The following CRTAC1 variants were observed in gnomAD, a reference collection of about 807,000 sequenced individuals.
CRTAC1 encodes the protein acidic secreted protein in cartilage.
Under a neutral mutation model 67.8 loss-of-function variants are expected in CRTAC1, and 37 were observed. The ratio of observed to expected loss-of-function variants is 0.55; its 90% CI spans 0.42 to 0.72. The LOEUF (loss-of-function observed/expected upper bound fraction) is 0.72, where lower values mean the gene tolerates loss of function less well. CRTAC1 is among the 30% of genes least tolerant of loss of function. CRTAC1 has a pLI of 0.00. For missense variants in CRTAC1, 780 were observed against 931.6 expected (o/e 0.84, Z 2.12); for synonymous variants, 348 against 371.0 (o/e 0.94, Z 0.71).
chr10:97,896,833 T>TGCC, intron 9 of CRTAC1, 76 bp downstream of exon 9: 6 of 450,860 alleles, frequency 1.3e-5, no homozygotes, highest in Non-Finnish European at 1.3e-5. Context: ...GGCTGCCCCG[T>TGCC]CCCTCCCGCC....
chr10:97,899,172 C>G (rs1388009885), intron 8 of CRTAC1, among the ~76,000 whole-genome samples: 1 of 148,680 alleles, frequency 6.7e-6, no homozygotes, highest in Non-Finnish European at 1.5e-5. Flanking sequence ...AGTGCCAGTC[C>G]CAGATGCAGC....
intron 1 of CRTAC1, among the ~76,000 whole-genome samples, chr10:98,024,088 A>C (rs1219229836): frequency 1.3e-5 from 2 of 152,234 alleles, no homozygotes; most frequent in African/African-American, 2.4e-5. Flanking sequence ...CAAAGCAGGA[A>C]TCTCCACCGA....
rs769104628 is a variant in CRTAC1, at chr10:97,917,492, C to T, written c.715+8G>A. 1.3e-6 allele frequency: 2 copies of T among 1,545,816 alleles called. No individual in the cohort carries two copies. The highest frequency in any genetic ancestry group is 2.5e-5 in the South Asian group (2 of 78,462). ...CCAGCATACTACCTCCCATGTCACT[C>T]TGCATACCTGTATATTTGCTGACCC... On this transcript the variant is annotated splice_region_variant and intron_variant, in intron 5 of 14. Transcript: ENST00000370597.
At chr10:97,931,098 TCA>T (rs1199855444) in intron 3 of CRTAC1, among the ~76,000 whole-genome samples, 5 of 152,242 alleles carry the variant, frequency 3.3e-5, no homozygotes, top group African/African-American at 1.2e-4. Flanking sequence ...AAAAATATTC[TCA>T]GTCTCCTTCA....
chr10:97,977,874 T>A (rs2051832936), intron 2 of CRTAC1, among the ~76,000 whole-genome samples: 1 of 152,210 alleles, frequency 6.6e-6, no homozygotes, highest in African/African-American at 2.4e-5. Flanking sequence ...GAGCTGAGGC[T>A]GTGCCTAAGA....
chr10:97,947,901 T>C (rs1455241208), intron 2 of CRTAC1, among the ~76,000 whole-genome samples: 1 of 151,942 alleles, frequency 6.6e-6, no homozygotes, highest in Non-Finnish European at 1.5e-5. Context: ...AATAAATAAA[T>C]AAAATAATAA....
chr10:97,996,261 C>G (rs1184695712), intron 2 of CRTAC1, among the ~76,000 whole-genome samples: 3 of 151,558 alleles, frequency 2.0e-5, no homozygotes, highest in Admixed American at 1.3e-4. Context: ...AGAGCTTCTG[C>G]ACAGCAAAAG....
Position 98,029,850 on chromosome 10 carries a change from C to A in CRTAC1, c.24+599G>T, listed in dbSNP as rs1012305319. On this transcript the variant is annotated intron_variant, in intron 1 of 14. Coordinates refer to ENST00000370597, the MANE Select transcript of CRTAC1 (RefSeq NM_018058.7). This position sits in a 1 kb window ranked among gnomAD's most constrained non-coding sequence, Gnocchi z 4.7. ...TGCCTCAGGCAGCCTGAAGGGAAGACCACACCTCGTCCAGCATAAGGCGGC... is the reference window on the plus strand; with the variant it reads ...TGCCTCAGGCAGCCTGAAGGGAAGAACACACCTCGTCCAGCATAAGGCGGC... Among the ~76,000 whole-genome samples the A allele has an allele frequency of 2.0e-5, 3 of 152,188 alleles. No homozygotes were observed. The highest frequency in any genetic ancestry group is 1.9e-4 in the East Asian group (1 of 5,156).
chr10:98,029,558 T>C lies in CRTAC1; in HGVS notation c.24+891A>G, dbSNP rs1254605178. Among the ~76,000 whole-genome samples the C allele has an allele frequency of 4.1e-5, 6 of 145,952 alleles. No individual in the cohort carries two copies. Among genetic ancestry groups the C allele is most frequent in the Non-Finnish European group, 4.6e-5 (3 of 64,622 alleles). ...AGCAGCAATATTCATTAGTCATTCCTGGAGGAAGCCCCCCCAGCTCTCAAC... is the reference window on the plus strand; with the variant it reads ...AGCAGCAATATTCATTAGTCATTCCCGGAGGAAGCCCCCCCAGCTCTCAAC... On this transcript the variant is annotated intron_variant, in intron 1 of 14. Transcript: ENST00000370597. The surrounding 1 kb of genome is among the most constrained non-coding windows in gnomAD (Gnocchi z 4.7).
At chr10:97,999,242 T>C (rs1433706612) in intron 2 of CRTAC1, among the ~76,000 whole-genome samples, 1 of 152,178 alleles carries the variant, frequency 6.6e-6, no homozygotes, top group African/African-American at 2.4e-5. Flanking sequence ...GCTGCAGCTA[T>C]CCAAACCCCA....
At chr10:98,007,214 C>T (rs1015364168) in intron 2 of CRTAC1, among the ~76,000 whole-genome samples, 2 of 152,140 alleles carry the variant, frequency 1.3e-5, no homozygotes, top group South Asian at 2.1e-4. Flanking sequence ...AGGATTGCCA[C>T]GTTCGCTTGG....
intron 5 of CRTAC1, among the ~76,000 whole-genome samples, chr10:97,908,358 G>A (rs2050644096): frequency 6.6e-6 from 1 of 152,226 alleles, no homozygotes; most frequent in Non-Finnish European, 1.5e-5. Context: ...GATGAAGAGG[G>A]AAGGAAGGAG....
chr10:97,967,989 A>C (rs1488335756), intron 2 of CRTAC1, among the ~76,000 whole-genome samples: 1 of 152,240 alleles, frequency 6.6e-6, no homozygotes, highest in East Asian at 1.9e-4. Context: ...AAGAGCTGGC[A>C]TTTAGACAAA....
chr10:97,949,412 TG>T (rs1204317401), intron 2 of CRTAC1, among the ~76,000 whole-genome samples: 7 of 151,712 alleles, frequency 4.6e-5, no homozygotes, highest in Non-Finnish European at 8.8e-5. Context: ...CAGGCAGAGG[TG>T]GAACAGAGGC....
chr10:98,005,792 C>T (rs925635449), intron 2 of CRTAC1, among the ~76,000 whole-genome samples: 2 of 151,954 alleles, frequency 1.3e-5, no homozygotes, highest in Non-Finnish European at 2.9e-5. Flanking sequence ...TTTATAATGG[C>T]AAATTTATCT....
At chr10:97,875,138 C>A (rs565801305) in intron 14 of CRTAC1, among the ~76,000 whole-genome samples, 1 of 152,334 alleles carries the variant, frequency 6.6e-6, no homozygotes, top group South Asian at 2.1e-4. Context: ...GGCTTAAGAA[C>A]CCAGGCTTTG....
In CRTAC1 at chr10:97,865,690, G is replaced by T. The variant is rs753416888; in HGVS notation, c.1844C>A (p.Pro615His). The T allele has an allele frequency of 4.4e-6, 7 of 1,606,208 alleles. No individual in the cohort carries two copies. The Admixed American group carries it at 8.4e-5, about 19-fold the overall frequency. ...AGCAGCGGTGGGGGTGGTGGGGCGG[G>T]GGCCCGGTGACTGGCCGAGAGTCCC... is the stretch of plus-strand genomic sequence containing the variant. ...CVGTLGQSPG[P>H]RPTTPTAAAA... The change falls in exon 15 of 15, where the codon CCC becomes CAC. Residue 615 changes from proline (P) to histidine (H), a missense_variant. Pro to His is a moderately conservative substitution (Grantham distance 77). Coordinates refer to ENST00000370597, the MANE Select transcript of CRTAC1 (RefSeq NM_018058.7).
chr10:97,941,251 A>G (rs1321198857), intron 2 of CRTAC1, among the ~76,000 whole-genome samples: 1 of 151,988 alleles, frequency 6.6e-6, no homozygotes, highest in African/African-American at 2.4e-5. Flanking sequence ...TAGGCCAAGG[A>G]GGCCAACTTC....
At chr10:97,992,723 A>C (rs1395966568) in intron 2 of CRTAC1, among the ~76,000 whole-genome samples, 1 of 152,222 alleles carries the variant, frequency 6.6e-6, no homozygotes, top group African/African-American at 2.4e-5. Context: ...TCTTACCTAC[A>C]TATAGAATCT....
Sources: gnomAD v4.1 joint callset for allele counts (sites outside exome capture counted in the v4.1 genomes callset) on GRCh38, gnomAD v4.1.1 for gene constraint, Gnocchi (gnomAD v3.1) non-coding constraint, MANE v1.5 for transcripts, NCBI Gene and HGNC (gene_info 2026-07-23, HGNC 2026-07-21) for gene names.